PHF1: variants seen among roughly 807,000 people sequenced by gnomAD.
PHF1 encodes polycomb-like 1.
A neutral mutation model predicts 69.4 loss-of-function variants in PHF1; 16 were observed. The observed-to-expected ratio is 0.23, with a 90% CI of 0.16 to 0.35. PHF1 has a LOEUF of 0.35. Among genes scored for constraint, PHF1 ranks in the 10% least tolerant of loss-of-function variants. PHF1 has a pLI of 1.00. For synonymous variants in PHF1, 274 were observed against 275.0 expected (o/e 1.00, Z 0.04); for missense variants, 515 against 732.8 (o/e 0.70, Z 3.43).
chr6:33,412,351 C>T lies in PHF1; in HGVS notation c.88C>T (p.Arg30Trp), dbSNP rs762993282. ...TGCTCCCACCTCTGGCCCCAGGCCT[C>T]GGCTTTGGGAGGGTCAAGATGTGCT... ...SPAPTSGPRP[R>W]LWEGQDVLAR... Residue 30 changes from arginine (R) to tryptophan (W), a missense_variant, in exon 2 of 15, where the codon CGG becomes TGG. Coordinates refer to ENST00000374516, the MANE Select transcript of PHF1 (RefSeq NM_024165.3). This position sits in a 1 kb window ranked among gnomAD's most constrained non-coding sequence, Gnocchi z 4.2. 25 of 1,614,056 alleles carry T rather than the reference C, an allele frequency of 1.5e-5. No homozygotes were observed. The highest frequency in any genetic ancestry group is 1.4e-5 in the Non-Finnish European group (16 of 1,180,016).
intron 4 of PHF1, 65 bp from the exon 5 acceptor site, chr6:33,413,131 C>G: frequency 1.5e-6 from 2 of 1,328,212 alleles, no homozygotes; most frequent in Non-Finnish European, 2.2e-6. Context: ...TGGGTAAAGA[C>G]TATTCCTGTC....
rs1183943574 is a variant in PHF1 at position 33,413,015 on chromosome 6, A to G, written c.338-181A>G. ...TTTAAATGCATCCTTTTCTAACCAT[A>G]TGACCTCGGACAAGTCCCTTAACCT... On this transcript the variant is annotated intron_variant, in intron 4 of 14. Transcript: ENST00000374516. 13 of 701,432 alleles carry G rather than the reference A, an allele frequency of 1.9e-5. 1 individual carries two copies. The highest frequency in any genetic ancestry group is 1.3e-4 in the East Asian group (5 of 37,770). 43.5% of individuals were successfully genotyped at this position (701,432 alleles called of 1,614,324 possible).
At position 33,414,795 on chromosome 6, in the gene PHF1, G is replaced by C. The variant is rs769938402; in HGVS notation, c.1015G>C (p.Val339Leu). 4.3e-6 allele frequency: 7 copies of C among 1,613,898 alleles called. No individual in the cohort carries two copies. The South Asian group carries it at 7.7e-5, about 18-fold the overall frequency. The stretch of plus-strand genomic sequence containing the variant: ...TCTCCATGCTCGGATGCCTCCCCCT[G>C]TGGAGCCCCCTACTGGAGATGGAGC... Reference protein sequence around the residue: ...FGLHARMPPPVEPPTGDGALT... With the variant: ...FGLHARMPPPLEPPTGDGALT... Residue 339 changes from valine to leucine, a missense_variant, in exon 11 of 15, where the codon GTG becomes CTG. By Grantham distance (32) the Val-to-Leu change is conservative (BLOSUM62 1). Around this residue, in one of 5 missense-constraint regions of PHF1, gnomAD observed 274 missense variants for 304.5 expected, o/e 0.90. Transcript: ENST00000374516. This position sits in a 1 kb window ranked among gnomAD's most constrained non-coding sequence, Gnocchi z 5.0.
At position 33,412,788 on chromosome 6, in the gene PHF1, G is replaced by C; in HGVS notation, c.332G>C (p.Arg111Pro). 6.2e-7 allele frequency: 1 copy of C among 1,613,490 alleles called. No individual in the cohort carries two copies. The highest frequency in any genetic ancestry group is 8.5e-7 in the Non-Finnish European group (1 of 1,179,656). ...GNRLVSCEKCRHAYHQDCHVP... is the reference protein window; with the variant it reads ...GNRLVSCEKCPHAYHQDCHVP... ...CGGCTGGTCAGCTGTGAGAAGTGTC[G>C]CCATGGTGAGAGGGCAGGTCACCTG... The change falls in exon 4 of 15, where the codon CGC becomes CCC. Residue 111 changes from arginine to proline, a missense_variant. Transcript: ENST00000374516. The surrounding 1 kb of genome is among the most constrained non-coding windows in gnomAD (Gnocchi z 4.2).
In PHF1 at chr6:33,413,487, G is replaced by A; in HGVS notation, c.517G>A (p.Gly173Arg). ...MKLSLPYGLK[G>R]LDWDAGHLSN... ...GCTTTCTCTGCCATATGGACTGAAG[G>A]GGCTGGACTGGGATGCTGGACATCT... is the stretch of plus-strand genomic sequence containing the variant. Residue 173 changes from glycine (G) to arginine (R), a missense_variant, in exon 6 of 15, where the codon GGG (glycine) becomes AGG (arginine). This residue lies in a region of PHF1 where 142 missense variants were observed against 309.7 expected (regional missense o/e 0.46). Coordinates refer to ENST00000374516, the MANE Select transcript of PHF1 (RefSeq NM_024165.3). 3 of 1,614,236 alleles carry A rather than the reference G, an allele frequency of 1.9e-6. No homozygotes were observed. Among genetic ancestry groups the A allele is most frequent in the Non-Finnish European group, 2.5e-6 (3 of 1,180,048 alleles).
chr6:33,415,933 C>T lies in PHF1; in HGVS notation c.1539C>T (p.Pro513=). ...CAGGTCTTCCTAGACGCTCAGCACC[C>T]CCTTCTCCCCTGTGCCGTAGTTTGT... is the stretch of plus-strand genomic sequence containing the variant. ...PSPGLPRRSA[P]PSPLCRSLSP... The change falls in exon 15 of 15, where the codon CCC becomes CCT. Residue 513 remains proline, a synonymous_variant. Coordinates refer to ENST00000374516, the MANE Select transcript of PHF1 (RefSeq NM_024165.3). The T allele has an allele frequency of 6.2e-7, 1 of 1,614,120 alleles. No individual in the cohort carries two copies. Among genetic ancestry groups the T allele is most frequent in the Middle Eastern group, 1.7e-4 (1 of 6,060 alleles).
chr6:33,414,440 C>G lies in PHF1; in HGVS notation c.877-37C>G, dbSNP rs1265183783. 6.2e-7 allele frequency: 1 copy of G among 1,613,410 alleles called. No individual in the cohort carries two copies. The highest frequency in any genetic ancestry group is 8.5e-7 in the Non-Finnish European group (1 of 1,179,436). ...GCGGAAAGGGGAAGAGAAGAAATCA[C>G]TGCTCCCCTGGCCCCATTTTTCTTC... is the stretch of plus-strand genomic sequence containing the variant. On this transcript the variant is annotated intron_variant, in intron 9 of 14. Coordinates refer to ENST00000374516, the MANE Select transcript of PHF1 (RefSeq NM_024165.3). The surrounding 1 kb of genome is among the most constrained non-coding windows in gnomAD (Gnocchi z 5.0).
rs745702287 is a variant in PHF1 at position 33,415,917 on chromosome 6, C to T, written c.1523C>T (p.Pro508Leu). 1.9e-6 allele frequency: 3 copies of T among 1,614,074 alleles called. No individual in the cohort carries two copies. Among genetic ancestry groups the T allele is most frequent in the Non-Finnish European group, 2.5e-6 (3 of 1,179,956 alleles). Residue 508 changes from proline to leucine, a missense_variant, in exon 15 of 15, where the codon CCT becomes CTT. Around this residue, in one of 5 missense-constraint regions of PHF1, gnomAD observed 274 missense variants for 304.5 expected, o/e 0.90. Transcript: ENST00000374516. ...GTTTCATCCCCATCCCCAGGTCTTC[C>T]TAGACGCTCAGCACCCCCTTCTCCC... ...SSVSSPSPGL[P>L]RRSAPPSPLC...
Position 33,416,172 on chromosome 6 carries a change from A to C in PHF1, c.*74A>C, listed in dbSNP as rs1021499052. 1.5e-6 allele frequency: 2 copies of C among 1,302,756 alleles called. No homozygotes were observed. The highest frequency in any genetic ancestry group is 2.4e-5 in the Admixed American group (1 of 41,700). 80.7% of individuals were successfully genotyped at this position (1,302,756 alleles called of 1,614,324 possible). A position where few individuals can be genotyped will look rare whatever the true frequency, so the allele number is the denominator to read the frequency against. On this transcript the variant is annotated 3_prime_UTR_variant, in exon 15 of 15. Transcript: ENST00000374516. The stretch of plus-strand genomic sequence containing the variant: ...TACCCTGACCTCTGACCTCACCTAC[A>C]GCTGGGATGTACCTGGAGAGATAGG...
In PHF1 at chr6:33,414,927, G is replaced by A. The variant is rs1201651145; in HGVS notation, c.1050-28G>A. On this transcript the variant is annotated intron_variant, in intron 11 of 14. Coordinates refer to ENST00000374516, the MANE Select transcript of PHF1 (RefSeq NM_024165.3). This position sits in a 1 kb window ranked among gnomAD's most constrained non-coding sequence, Gnocchi z 5.0. ...AGGTCTTGGGGGTGTCCGGGAGGGG[G>A]CTGGGGGGATAAGGAGGCCTCTTAC... is the stretch of plus-strand genomic sequence containing the variant. The A allele has an allele frequency of 1.3e-6, 2 of 1,513,442 alleles. No homozygotes were observed. The highest frequency in any genetic ancestry group is 1.8e-6 in the Non-Finnish European group (2 of 1,126,820). 93.8% of individuals were successfully genotyped at this position (1,513,442 alleles called of 1,614,324 possible). A position where few individuals can be genotyped will look rare whatever the true frequency, so the allele number is the denominator to read the frequency against.
Position 33,413,844 on chromosome 6 carries a change from C to A in PHF1, c.683+13C>A. ...TCTATGGGGACAGGTGAGACCAAGG[C>A]AGACTCTCTAGGAGCCAAGGATGCC... On this transcript the variant is annotated intron_variant, in intron 7 of 14. Transcript: ENST00000374516. 4 of 1,608,978 alleles carry A rather than the reference C, an allele frequency of 2.5e-6. No homozygotes were observed. The highest frequency in any genetic ancestry group is 3.4e-6 in the Non-Finnish European group (4 of 1,175,786).
In PHF1 at chr6:33,412,205, T is replaced by A; in HGVS notation, c.-16-43T>A. The A allele has an allele frequency of 1.6e-6, 2 of 1,261,260 alleles. No individual in the cohort carries two copies. Among genetic ancestry groups the A allele is most frequent in the Non-Finnish European group, 2.3e-6 (2 of 887,708 alleles). 78.1% of individuals were successfully genotyped at this position (1,261,260 alleles called of 1,614,324 possible). ...AGAAAAAGAAAATGGGGAAGGTTTCTCAGCATTCATAACCTTCTCCTCCCC... is the reference window on the plus strand; with the variant it reads ...AGAAAAAGAAAATGGGGAAGGTTTCACAGCATTCATAACCTTCTCCTCCCC... On this transcript the variant is annotated intron_variant, in intron 1 of 14. Coordinates refer to ENST00000374516, the MANE Select transcript of PHF1 (RefSeq NM_024165.3). This position sits in a 1 kb window ranked among gnomAD's most constrained non-coding sequence, Gnocchi z 4.2.
At chr6:33,413,047 G>A in intron 4 of PHF1, 149 bp from the exon 5 acceptor site, 1 of 791,616 alleles carries the variant, frequency 1.3e-6, no homozygotes, top group South Asian at 1.5e-5. Context: ...ACCTCTAGGA[G>A]CCTCAGTTCC....
Position 33,413,838 on chromosome 6 carries a change from C to A in PHF1, c.683+7C>A. ...CCCTCCTCTATGGGGACAGGTGAGA[C>A]CAAGGCAGACTCTCTAGGAGCCAAG... On this transcript the variant is annotated splice_region_variant and intron_variant, in intron 7 of 14. Transcript: ENST00000374516. The A allele has an allele frequency of 6.2e-7, 1 of 1,611,132 alleles. No homozygotes were observed. The highest frequency in any genetic ancestry group is 8.5e-7 in the Non-Finnish European group (1 of 1,177,708).
In PHF1 at chr6:33,414,273, C is replaced by T; in HGVS notation, c.783C>T (p.His261=). Residue 261 remains histidine (H), a synonymous_variant, in exon 9 of 15, where the codon CAC becomes CAT. Coordinates refer to ENST00000374516, the MANE Select transcript of PHF1 (RefSeq NM_024165.3). This position sits in a 1 kb window ranked among gnomAD's most constrained non-coding sequence, Gnocchi z 5.0. The stretch of plus-strand genomic sequence containing the variant: ...ATGTGGCCCATCTTGTCCTGTATCA[C>T]CTCAGTGTTTGCTGTAAGAAGAAAT... ...WVDVAHLVLY[H]LSVCCKKKYF... The T allele has an allele frequency of 6.2e-7, 1 of 1,614,128 alleles. No individual in the cohort carries two copies. The highest frequency in any genetic ancestry group is 8.5e-7 in the Non-Finnish European group (1 of 1,180,032).
intron 7 of PHF1, 99 bp from the exon 8 acceptor site, chr6:33,413,935 CTGCAGCG>C (rs1776257657): frequency 6.5e-7 from 1 of 1,539,396 alleles, no homozygotes; most frequent in South Asian, 1.1e-5. Context: ...TTCCCAACCT[CTGCAGCG>C]TTACCTCACC....
At position 33,415,681 on chromosome 6, in the gene PHF1, GTCT is replaced by G. The variant is rs1776416378; in HGVS notation, c.1415+15_1415+17del. The G allele has an allele frequency of 6.2e-7, 1 of 1,613,490 alleles. No homozygotes were observed. The highest frequency in any genetic ancestry group is 8.5e-7 in the Non-Finnish European group (1 of 1,179,622). ...TGGACCCCCAGACAGGTGAGATTCT[GTCT>G]TCTATTACCAGTGATGCTCTTCTTC... On this transcript the variant is annotated intron_variant, in intron 14 of 14. Coordinates refer to ENST00000374516, the MANE Select transcript of PHF1 (RefSeq NM_024165.3).
At position 33,414,911 on chromosome 6, in the gene PHF1, G is replaced by A. The variant is rs745985002; in HGVS notation, c.1050-44G>A. The stretch of plus-strand genomic sequence containing the variant: ...ATGTATAGAGATGGGGAGGTCTTGG[G>A]GGTGTCCGGGAGGGGGCTGGGGGGA... On this transcript the variant is annotated intron_variant, in intron 11 of 14. Transcript: ENST00000374516. This position sits in a 1 kb window ranked among gnomAD's most constrained non-coding sequence, Gnocchi z 5.0. 3 of 1,532,184 alleles carry A rather than the reference G, an allele frequency of 2.0e-6. No individual in the cohort carries two copies. Among genetic ancestry groups the A allele is most frequent in the Non-Finnish European group, 2.6e-6 (3 of 1,137,434 alleles). 94.9% of individuals were successfully genotyped at this position (1,532,184 alleles called of 1,614,324 possible). A position where few individuals can be genotyped will look rare whatever the true frequency, so the allele number is the denominator to read the frequency against.
intron 1 of PHF1, among the ~76,000 whole-genome samples, chr6:33,411,702 G>A (rs1776074734): frequency 6.6e-6 from 1 of 151,722 alleles, no homozygotes; most frequent in African/African-American, 2.4e-5. Flanking sequence ...CTAGGTTTGG[G>A]GTCGGGGGGA....
Sources: allele counts gnomAD v4.1 joint callset (sites outside exome capture counted in the v4.1 genomes callset), GRCh38; gene constraint gnomAD v4.1.1; regional missense constraint gnomAD v4.1.1; non-coding constraint Gnocchi (gnomAD v3.1); transcripts MANE v1.5; gene names NCBI Gene and HGNC (gene_info 2026-07-23, HGNC 2026-07-21).